The following GPC6 variants were observed in gnomAD, a reference collection of about 807,000 sequenced individuals.
The protein encoded by GPC6 is glypican-6.
GPC6 carries 14 observed loss-of-function variants against 55.2 expected under a neutral mutation model. The ratio of observed to expected loss-of-function variants is 0.25; its 90% CI spans 0.17 to 0.40. The LOEUF (loss-of-function observed/expected upper bound fraction) is 0.40. Among genes scored for constraint, GPC6 ranks in the 10% least tolerant of loss-of-function variants. GPC6 has a pLI of 1.00. For missense variants in GPC6, 641 were observed against 708.5 expected, an observed-to-expected ratio of 0.90 and a Z score of 1.08; for synonymous variants, 278 against 259.6, an observed-to-expected ratio of 1.07 and a Z score of -0.68.
At chr13:93,306,888 C>A (rs1878874895) in intron 1 of GPC6, among the ~76,000 whole-genome samples, 1 of 152,052 alleles carries the variant, frequency 6.6e-6, no homozygotes, top group Non-Finnish European at 1.5e-5. Flanking sequence ...ATACGCATGT[C>A]CCCTAGCAAA....
At chr13:94,137,087 G>T (rs1457940942) in intron 4 of GPC6, among the ~76,000 whole-genome samples, 1 of 152,176 alleles carries the variant, frequency 6.6e-6, no homozygotes, top group Non-Finnish European at 1.5e-5. Context: ...AGGTGGCAGT[G>T]TCTCAATTAT....
intron 1 of GPC6, among the ~76,000 whole-genome samples, chr13:93,435,089 T>C (rs1055507716): frequency 6.6e-6 from 1 of 152,112 alleles, no homozygotes; most frequent in Non-Finnish European, 1.5e-5. Flanking sequence ...CAATGAGACA[T>C]GTAAAATAAT....
chr13:93,527,378 C>T (rs1255782476), intron 1 of GPC6, among the ~76,000 whole-genome samples: 2 of 152,018 alleles, frequency 1.3e-5, no homozygotes, highest in African/African-American at 2.4e-5. Flanking sequence ...CTCAGTTTAG[C>T]GTTTCACTAC....
chr13:94,122,726 T>C (rs891180114), intron 4 of GPC6, among the ~76,000 whole-genome samples: 1 of 152,138 alleles, frequency 6.6e-6, no homozygotes, highest in Non-Finnish European at 1.5e-5. Flanking sequence ...TATTTCCATA[T>C]TTTAAATTGC....
intron 1 of GPC6, among the ~76,000 whole-genome samples, chr13:93,400,338 C>CAAAA (rs11345982): frequency 7.0e-6 from 1 of 142,008 alleles, no homozygotes. Context: ...AGGCACTGGT[C>CAAAA]AAAAAAAAAA....
chr13:93,319,586 A>T (rs7982562), intron 1 of GPC6, among the ~76,000 whole-genome samples: 2,974 of 152,276 alleles, frequency 0.02, 78 homozygotes, highest in African/African-American at 0.067. Context: ...TTAAGGGTGT[A>T]TCCTAGAAAA....
In GPC6 at chr13:93,435,379, G is replaced by A. The variant is rs1269010449; in HGVS notation, c.161-109884G>A. On this transcript the variant is annotated intron_variant, in intron 1 of 8. Transcript: ENST00000377047. ...GATCTTCCCACCTTAGCCTCCCAAG[G>A]CACTGGTACTACAGTCGTGAGTCAC... Among the ~76,000 whole-genome samples, 3 of 151,952 alleles carry A rather than the reference G, an allele frequency of 2.0e-5. No individual in the cohort carries two copies. The East Asian group carries it at 5.8e-4, about 29-fold the overall frequency.
intron 1 of GPC6, among the ~76,000 whole-genome samples, chr13:93,336,249 G>A (rs1209038528): frequency 6.6e-6 from 1 of 152,156 alleles, no homozygotes. Context: ...GGAGTAAAAA[G>A]TTTTTGCAGA....
intron 5 of GPC6, among the ~76,000 whole-genome samples, chr13:94,290,811 C>G (rs1874920553): frequency 1.3e-5 from 2 of 152,306 alleles, no homozygotes; most frequent in South Asian, 4.1e-4. Context: ...ATTTTTCCAA[C>G]TACATTATTA....
intron 2 of GPC6, among the ~76,000 whole-genome samples, chr13:93,759,722 T>C (rs902193578): frequency 4.6e-5 from 7 of 152,146 alleles, no homozygotes; most frequent in Admixed American, 1.3e-4. Context: ...GCTTAAAAAC[T>C]ATAGTAATAT....
At chr13:94,019,522 C>T (rs1045257525) in intron 3 of GPC6, among the ~76,000 whole-genome samples, 10 of 152,184 alleles carry the variant, frequency 6.6e-5, no homozygotes, top group South Asian at 4.2e-4. Flanking sequence ...CGGCTTCTGG[C>T]GGGTGGTTGC....
At chr13:93,758,795 T>G (rs540232816) in intron 2 of GPC6, among the ~76,000 whole-genome samples, 24 of 152,278 alleles carry the variant, frequency 1.6e-4, no homozygotes, top group Non-Finnish European at 3.1e-4. Context: ...TTGACTTCAC[T>G]TCCTTTTGAC....
At chr13:93,652,433 G>C (rs1283046535) in intron 2 of GPC6, among the ~76,000 whole-genome samples, 2 of 152,120 alleles carry the variant, frequency 1.3e-5, no homozygotes, top group African/African-American at 4.8e-5. Flanking sequence ...ACTGAACTCA[G>C]ATAACAAGAG....
intron 2 of GPC6, among the ~76,000 whole-genome samples, chr13:93,677,985 A>T (rs1161299672): frequency 1.3e-5 from 2 of 152,142 alleles, no homozygotes; most frequent in East Asian, 1.9e-4. Context: ...AAATACTAAA[A>T]GGTATAAAGA....
At chr13:93,353,283 A>C (rs1880696871) in intron 1 of GPC6, among the ~76,000 whole-genome samples, 1 of 152,220 alleles carries the variant, frequency 6.6e-6, no homozygotes. Context: ...AGATGCCTTC[A>C]CCTGGAGGAG....
intron 6 of GPC6, among the ~76,000 whole-genome samples, chr13:94,360,973 A>G (rs1316230643): frequency 1.3e-5 from 2 of 152,166 alleles, no homozygotes; most frequent in African/African-American, 4.8e-5. Flanking sequence ...AAACAATAAG[A>G]TAGGAGTGAT....
intron 1 of GPC6, among the ~76,000 whole-genome samples, chr13:93,273,190 A>AT (rs563682993): frequency 4.6e-5 from 7 of 152,122 alleles, no homozygotes; most frequent in Non-Finnish European, 8.8e-5. Context: ...TTTCCAAGTG[A>AT]TTTTTACAAA....
chr13:94,403,346 A>T lies in GPC6; in HGVS notation c.*129A>T. 1.4e-6 allele frequency: 1 copy of T among 737,078 alleles called. No homozygotes were observed. The allele number at this position is 737,078 out of a possible 1,614,324, so 45.7% of individuals were successfully genotyped here. A position where few individuals can be genotyped will look rare whatever the true frequency, so the allele number is the denominator to read the frequency against. On this transcript the variant is annotated 3_prime_UTR_variant, in exon 9 of 9. Coordinates refer to ENST00000377047, the MANE Select transcript of GPC6 (RefSeq NM_005708.5). Reference sequence around the variant, plus strand: ...CGTTTTCTATGAGAAGAGAGCAGTAATGCAATCTGCCTCCCTTTTTGTTTT... The same window carrying T: ...CGTTTTCTATGAGAAGAGAGCAGTATTGCAATCTGCCTCCCTTTTTGTTTT...
At chr13:94,382,677 T>G (rs757732053) in intron 7 of GPC6, 127 bp downstream of exon 7, 2 of 1,236,158 alleles carry the variant, frequency 1.6e-6, no homozygotes, top group Admixed American at 3.8e-5. Context: ...AAGTCATCAC[T>G]TAGCAACAGC....
Sources: allele counts gnomAD v4.1 joint callset (sites outside exome capture counted in the v4.1 genomes callset), GRCh38; gene constraint gnomAD v4.1.1; transcripts MANE v1.5; gene names NCBI Gene and HGNC (gene_info 2026-07-23, HGNC 2026-07-21).